Variants in FBXO11 observed in about 807,000 individuals in gnomAD.
FBXO11 encodes the protein F-box only protein 11.
Under a neutral mutation model 117.0 loss-of-function variants are expected in FBXO11, and 13 were observed. That is an observed-to-expected ratio of 0.11 (90% confidence interval 0.07 to 0.18). The LOEUF is 0.18. Ranked by LOEUF, FBXO11 falls within the 10% of genes least tolerant of loss-of-function variation. FBXO11 has a pLI of 1.00. For synonymous variants in FBXO11, 490 were observed against 380.5 expected (o/e 1.29, Z -3.35); for missense variants, 767 against 1,164.4 (o/e 0.66, Z 4.97).
At chr2:47,825,718 G>A (rs1244862886) in intron 11 of FBXO11, among the ~76,000 whole-genome samples, 3 of 151,774 alleles carry the variant, frequency 2.0e-5, no homozygotes, top group Non-Finnish European at 4.4e-5. Context: ...CTGAGACCAC[G>A]GGTGCATGGC....
At chr2:47,865,650 A>G (rs1234683748) in intron 1 of FBXO11, 1 of 152,216 alleles carries the variant, frequency 6.6e-6, no homozygotes, top group African/African-American at 2.4e-5. Context: ...TGGCAGATCT[A>G]ATTTTAATTA....
intron 1 of FBXO11, among the ~76,000 whole-genome samples, chr2:47,882,450 T>C (rs907702402): frequency 6.6e-6 from 1 of 152,224 alleles, no homozygotes; most frequent in Non-Finnish European, 1.5e-5. Flanking sequence ...TTTTCTTCAA[T>C]TGTGTTTTTA....
chr2:47,808,291 A>G, intron 22 of FBXO11, 38 bp downstream of exon 22: 3 of 1,612,742 alleles, frequency 1.9e-6, no homozygotes, highest in Non-Finnish European at 2.5e-6. Context: ...TGAGGGGGAA[A>G]GTAATTGGGT....
intron 1 of FBXO11, among the ~76,000 whole-genome samples, chr2:47,869,645 A>G (rs192465273): frequency 1.4e-4 from 21 of 152,374 alleles, no homozygotes; most frequent in Admixed American, 1.4e-3. Flanking sequence ...CAAAAAGAGT[A>G]CAGAATGGGT....
At chr2:47,864,673 A>G (rs1234442689) in intron 1 of FBXO11, among the ~76,000 whole-genome samples, 1 of 152,234 alleles carries the variant, frequency 6.6e-6, no homozygotes, top group Non-Finnish European at 1.5e-5. Context: ...TGTTATAAAC[A>G]AACAATAGAG....
In FBXO11 at chr2:47,898,685, A is replaced by G. The variant is rs181064081; in HGVS notation, c.232+6804T>C. On this transcript the variant is annotated intron_variant, in intron 1 of 22. Coordinates refer to ENST00000403359, the MANE Select transcript of FBXO11 (RefSeq NM_001190274.2). ...ATCAGAAGATTACTTGAAAAATGTG[A>G]AACCAGATAAGTCAACAATCAATAG... Among the ~76,000 whole-genome samples the G allele has an allele frequency of 1.2e-3, 185 of 152,300 alleles. 1 individual carries two copies. Among genetic ancestry groups the G allele is most frequent in the African/African-American group, 4.2e-3 (176 of 41,554 alleles).
At chr2:47,837,046 T>C in intron 4 of FBXO11, 1 of 239,424 alleles carries the variant, frequency 4.2e-6, no homozygotes, top group South Asian at 3.9e-5. Flanking sequence ...CCTAAAAAGA[T>C]AATTTTCAGT....
At position 47,830,509 on chromosome 2, in the gene FBXO11, C is replaced by G. The variant is rs1163948397; in HGVS notation, c.1398+1840G>C. 3.3e-5 allele frequency among the ~76,000 whole-genome samples: 5 copies of G among 151,962 alleles called. No individual in the cohort carries two copies. The East Asian group carries it at 9.7e-4, about 29-fold the overall frequency. On this transcript the variant is annotated intron_variant, in intron 11 of 22. Transcript: ENST00000403359. ...TAAATAAATAAAGAATAAATATAGA[C>G]CAATAACTGTAGGAATGCAAATATT...
At chr2:47,811,270 G>A (rs997093393) in intron 18 of FBXO11, 1 of 152,422 alleles carries the variant, frequency 6.6e-6, no homozygotes, top group South Asian at 2.1e-4. Flanking sequence ...CTGCCACCCA[G>A]GCTGGAGTGC....
In FBXO11 at chr2:47,870,944, T is replaced by C. The variant is rs567729505; in HGVS notation, c.233-31175A>G. ...ATTACTGGATCATAGGACATGCACA[T>C]ACTACTACTTGAGCTCCAGAATGGC... On this transcript the variant is annotated intron_variant, in intron 1 of 22. Coordinates refer to ENST00000403359, the MANE Select transcript of FBXO11 (RefSeq NM_001190274.2). Among the ~76,000 whole-genome samples, 4 of 152,312 alleles carry C rather than the reference T, an allele frequency of 2.6e-5. No homozygotes were observed. In the South Asian group the frequency reaches 8.3e-4, roughly 32 times the overall value.
intron 4 of FBXO11, among the ~76,000 whole-genome samples, chr2:47,838,396 GTACA>G (rs963931140): frequency 3.3e-5 from 5 of 151,930 alleles, no homozygotes; most frequent in African/African-American, 1.2e-4. Context: ...CGAAAAATCT[GTACA>G]TAAAGCAAAA....
intron 1 of FBXO11, among the ~76,000 whole-genome samples, chr2:47,844,589 C>T (rs191290106): frequency 5.8e-4 from 89 of 152,234 alleles, no homozygotes; most frequent in Admixed American, 1.9e-3. Context: ...AATTTTCCTC[C>T]TCTTCTTTCC....
chr2:47,809,305 T>C (rs1362972204), intron 20 of FBXO11, 39 bp from the exon 21 acceptor site: 1 of 1,325,770 alleles, frequency 7.5e-7, no homozygotes, highest in Non-Finnish European at 1.1e-6. Context: ...TTCAGAGGAA[T>C]GTTAATATTT....
At chr2:47,829,080 A>C (rs1207589245) in intron 11 of FBXO11, among the ~76,000 whole-genome samples, 1 of 151,762 alleles carries the variant, frequency 6.6e-6, no homozygotes. Flanking sequence ...CGCCACCACG[A>C]GGCAGTGTTT....
At chr2:47,845,827 T>C (rs1673364835) in intron 1 of FBXO11, among the ~76,000 whole-genome samples, 1 of 151,810 alleles carries the variant, frequency 6.6e-6, no homozygotes, top group South Asian at 2.1e-4. Context: ...TTAATTTTAC[T>C]CAATTCAGGG....
chr2:47,821,668 C>G (rs1016988176), intron 13 of FBXO11, among the ~76,000 whole-genome samples: 1 of 151,784 alleles, frequency 6.6e-6, no homozygotes, highest in Admixed American at 6.6e-5. Context: ...ACCTGTAATC[C>G]CAGCTACTCT....
rs182105983 is a variant in FBXO11, at chr2:47,896,766, G to A, written c.232+8723C>T. On this transcript the variant is annotated intron_variant, in intron 1 of 22. Transcript: ENST00000403359. ...AGACATCAGTCATTCATATGTAAGT[G>A]TGAAGTAGTATAGTGGCTACTTTTA... Among the ~76,000 whole-genome samples the A allele has an allele frequency of 2.0e-4, 31 of 152,324 alleles. No individual in the cohort carries two copies. The East Asian group carries it at 5.6e-3, about 27-fold the overall frequency.
At chr2:47,809,936 G>GT (rs1670500225) in intron 19 of FBXO11, 1 of 517,284 alleles carries the variant, frequency 1.9e-6, no homozygotes, top group African/African-American at 2.0e-5. Flanking sequence ...CTGTCTTAAA[G>GT]TTTAAATACA....
In FBXO11 at chr2:47,905,764, G is replaced by C; in HGVS notation, c.-44C>G. 7.9e-7 allele frequency: 1 copy of C among 1,269,822 alleles called. No individual in the cohort carries two copies. Among genetic ancestry groups the C allele is most frequent in the African/African-American group, 1.6e-5 (1 of 61,468 alleles). The allele number at this position is 1,269,822 out of a possible 1,614,324, so 78.7% of individuals were successfully genotyped here. On this transcript the variant is annotated 5_prime_UTR_variant, in exon 1 of 23. Transcript: ENST00000403359. The stretch of plus-strand genomic sequence containing the variant: ...GGCGTTGGCGGAGGGACACACACAC[G>C]CACACGCACAGCGAGCTTCGGGGCA...
Sources: gnomAD v4.1 joint callset for allele counts (sites outside exome capture counted in the v4.1 genomes callset) on GRCh38, gnomAD v4.1.1 for gene constraint, MANE v1.5 for transcripts, NCBI Gene and HGNC (gene_info 2026-07-23, HGNC 2026-07-21) for gene names.